Variants in TSPO observed in about 807,000 individuals in gnomAD.
TSPO encodes the protein benzodiazepine peripheral binding site.
In TSPO, 14 loss-of-function variants were observed where a neutral mutation model predicts 13.9. The ratio of observed to expected loss-of-function variants is 1.01; its 90% CI spans 0.67 to 1.58. The LOEUF is 1.58. Among genes scored for constraint, TSPO ranks in the 40% most tolerant of loss-of-function variants. TSPO has a pLI of 0.00. For missense variants in TSPO, 232 were observed against 229.6 expected, an observed-to-expected ratio of 1.01 and a Z score of -0.07; for synonymous variants, 114 against 105.9, an observed-to-expected ratio of 1.08 and a Z score of -0.47.
chr22:43,161,490 CT>C (rs1350221099), intron 3 of TSPO, among the ~76,000 whole-genome samples: 3 of 151,662 alleles, frequency 2.0e-5, no homozygotes, highest in Non-Finnish European at 2.9e-5. Context: ...ATAACAGCTT[CT>C]TCTTTTTTTT....
At chr22:43,158,787 C>CTA (rs1186443039) in intron 1 of TSPO, among the ~76,000 whole-genome samples, 1 of 151,370 alleles carries the variant, frequency 6.6e-6, no homozygotes, top group Non-Finnish European at 1.5e-5. Context: ...GACCCAAACT[C>CTA]TGTCTGATAC....
chr22:43,159,435 A>G lies in TSPO; in HGVS notation c.182+15A>G. 2 of 1,495,204 alleles carry G rather than the reference A, an allele frequency of 1.3e-6. No individual in the cohort carries two copies. Among genetic ancestry groups the G allele is most frequent in the South Asian group, 1.3e-5 (1 of 78,166 alleles). 92.6% of individuals were successfully genotyped at this position (1,495,204 alleles called of 1,614,324 possible). ...TCAGCCATGGGGTAGGTGGGCGTGC[A>G]CTGGCCTGGGGATAAGCCTGGCCCT... On this transcript the variant is annotated intron_variant, in intron 2 of 3. Coordinates refer to ENST00000337554, the MANE Select transcript of TSPO (RefSeq NM_000714.6).
Position 43,159,225 on chromosome 22 carries a change from C to A in TSPO, c.-14C>A. The A allele has an allele frequency of 6.5e-7, 1 of 1,531,844 alleles. No homozygotes were observed. Among genetic ancestry groups the A allele is most frequent in the Admixed American group, 2.0e-5 (1 of 49,598 alleles). 94.9% of individuals were successfully genotyped at this position (1,531,844 alleles called of 1,614,324 possible). ...TCTCTTTCAGAGCTCCCCTGAACAG[C>A]AGCTGCAGCAGCCATGGCCCCGCCC... On this transcript the variant is annotated 5_prime_UTR_variant, in exon 2 of 4. Transcript: ENST00000337554.
intron 1 of TSPO, among the ~76,000 whole-genome samples, chr22:43,157,201 G>A (rs752664052): frequency 3.4e-5 from 5 of 148,314 alleles, no homozygotes; most frequent in African/African-American, 5.3e-5. Context: ...CAGGGAGGGT[G>A]GCCTTTCATA....
intron 1 of TSPO, 83 bp from the exon 2 acceptor site, chr22:43,159,124 CAGG>C: frequency 9.1e-7 from 1 of 1,093,972 alleles, no homozygotes; most frequent in Non-Finnish European, 1.2e-6. Context: ...CTGTGGGTGA[CAGG>C]CCTTTCGGGG....
intron 2 of TSPO, 143 bp from the exon 3 acceptor site, chr22:43,160,909 G>C: frequency 1.0e-6 from 1 of 968,314 alleles, no homozygotes; most frequent in Non-Finnish European, 1.5e-6. Flanking sequence ...AAAAATGAAG[G>C]CCCAGACAGG....
intron 1 of TSPO, among the ~76,000 whole-genome samples, chr22:43,152,809 G>A (rs1328903530): frequency 6.6e-6 from 1 of 152,204 alleles, no homozygotes; most frequent in East Asian, 1.9e-4. Context: ...GTGCCCCGAG[G>A]ACCACTTTCT....
At position 43,153,513 on chromosome 22, in the gene TSPO, G is replaced by A. The variant is rs1286431252; in HGVS notation, c.-30+1909G>A. Among the ~76,000 whole-genome samples the A allele has an allele frequency of 3.8e-5, 3 of 79,080 alleles. 1 individual carries two copies. The highest frequency in any genetic ancestry group is 8.1e-5 in the Non-Finnish European group (3 of 37,070). The allele number at this position is 79,080 out of a possible 152,430, so 51.9% of individuals were successfully genotyped here. On this transcript the variant is annotated intron_variant, in intron 1 of 3. Coordinates refer to ENST00000337554, the MANE Select transcript of TSPO (RefSeq NM_000714.6). ...ACTACAGGCGCCTGCCACCGCGCCC[G>A]GCTAATTTTTTGTATTTTTAGTAGA...
chr22:43,152,973 C>T (rs1477116508), intron 1 of TSPO, among the ~76,000 whole-genome samples: 2 of 152,142 alleles, frequency 1.3e-5, no homozygotes, highest in Non-Finnish European at 2.9e-5. Flanking sequence ...AGGGAGGGAG[C>T]CTACTTTTCA....
chr22:43,158,477 T>C (rs1420071506), intron 1 of TSPO, among the ~76,000 whole-genome samples: 2 of 152,008 alleles, frequency 1.3e-5, no homozygotes, highest in East Asian at 3.9e-4. Context: ...CTTAGCCCTT[T>C]GTTTTTGGAT....
At position 43,163,236 on chromosome 22, in the gene TSPO, T is replaced by G. The variant is rs1931515120; in HGVS notation, c.*245T>G. 8.0e-7 allele frequency: 1 copy of G among 1,255,914 alleles called. No individual in the cohort carries two copies. Among genetic ancestry groups the G allele is most frequent in the Non-Finnish European group, 1.1e-6 (1 of 946,226 alleles). 77.8% of individuals were successfully genotyped at this position (1,255,914 alleles called of 1,614,324 possible). On this transcript the variant is annotated 3_prime_UTR_variant, in exon 4 of 4. Coordinates refer to ENST00000337554, the MANE Select transcript of TSPO (RefSeq NM_000714.6). ...TATAAGCTGAATAAAGTTTTTGACTTCCTTTACCATGGCCTTTTTGCTTGG... is the reference window on the plus strand; with the variant it reads ...TATAAGCTGAATAAAGTTTTTGACTGCCTTTACCATGGCCTTTTTGCTTGG...
intron 1 of TSPO, among the ~76,000 whole-genome samples, chr22:43,157,705 T>G (rs1931297322): frequency 6.6e-6 from 1 of 151,996 alleles, no homozygotes. Context: ...TGGCACATGC[T>G]GGTAATCCCA....
intron 1 of TSPO, among the ~76,000 whole-genome samples, chr22:43,156,059 C>T (rs988673241): frequency 2.6e-5 from 4 of 152,224 alleles, no homozygotes; most frequent in African/African-American, 4.8e-5. Flanking sequence ...GGCATCTGAC[C>T]GCCTGTTTTC....
chr22:43,156,800 G>A (rs1328666946), intron 1 of TSPO, among the ~76,000 whole-genome samples: 3 of 152,200 alleles, frequency 2.0e-5, no homozygotes, highest in Non-Finnish European at 4.4e-5. Context: ...ATGTCCACGT[G>A]TCTTATGCTG....
intron 1 of TSPO, among the ~76,000 whole-genome samples, chr22:43,152,598 G>A (rs1301390143): frequency 6.6e-6 from 1 of 152,270 alleles, no homozygotes; most frequent in Admixed American, 6.5e-5. Flanking sequence ...GAAAGGGGCC[G>A]TGTGGCAAGG....
intron 2 of TSPO, chr22:43,159,818 T>G: frequency 5.7e-6 from 1 of 174,538 alleles, no homozygotes; most frequent in Non-Finnish European, 1.2e-5. Context: ...ACGACCCCCA[T>G]AATAAGAGGC....
Position 43,151,621 on chromosome 22 carries a change from C to A in TSPO, c.-30+17C>A. ...TCGCCGCTGGTGAGTGAGGACGGGACGCGGAGGGGGCAGCGGGAAGTGGGG... is the reference window on the plus strand; with the variant it reads ...TCGCCGCTGGTGAGTGAGGACGGGAAGCGGAGGGGGCAGCGGGAAGTGGGG... On this transcript the variant is annotated intron_variant, in intron 1 of 3. Transcript: ENST00000337554. 6.6e-6 allele frequency: 1 copy of A among 152,224 alleles called. No individual in the cohort carries two copies. Among genetic ancestry groups the A allele is most frequent in the East Asian group, 1.9e-4 (1 of 5,192 alleles). 9.4% of individuals were successfully genotyped at this position (152,224 alleles called of 1,614,324 possible). A position where few individuals can be genotyped will look rare whatever the true frequency, so the allele number is the denominator to read the frequency against.
intron 1 of TSPO, among the ~76,000 whole-genome samples, chr22:43,157,546 C>G (rs535821311): frequency 6.6e-6 from 1 of 152,074 alleles, no homozygotes; most frequent in Non-Finnish European, 1.5e-5. Context: ...TCCTTTAAAA[C>G]GTGCCGGGCG....
intron 3 of TSPO, among the ~76,000 whole-genome samples, chr22:43,161,890 C>T (rs976973935): frequency 4.6e-5 from 7 of 152,012 alleles, no homozygotes; most frequent in South Asian, 4.1e-4. Context: ...TGGGCTCAAA[C>T]GATTGATTCT....
Sources: gnomAD v4.1 joint callset for allele counts (sites outside exome capture counted in the v4.1 genomes callset) on GRCh38, gnomAD v4.1.1 for gene constraint, MANE v1.5 for transcripts, NCBI Gene and HGNC (gene_info 2026-07-23, HGNC 2026-07-21) for gene names.